Variants in ELAC2 observed in about 807,000 individuals in gnomAD.
The protein encoded by ELAC2 is elaC ribonuclease Z 2, also known as zinc phosphodiesterase ELAC protein 2.
In ELAC2, 92 loss-of-function variants were observed where a neutral mutation model predicts 105.2. The ratio of observed to expected loss-of-function variants is 0.87; its 90% CI spans 0.74 to 1.04. ELAC2 has a LOEUF of 1.04. ELAC2 is among the 50% of genes least tolerant of loss of function. ELAC2 has a pLI of 0.00. For missense variants in ELAC2, 1,099 were observed against 1,071.7 expected (o/e 1.03, Z -0.36); for synonymous variants, 468 against 409.1 (o/e 1.14, Z -1.74).
rs1375100442 is a variant in ELAC2, at chr17:13,003,952, CGAATAA to C, written c.984-384_984-379del. Reference sequence around the variant, plus strand: ...TTCCTCTCTCACAGTCAAATTTCCTCGAATAAACCTCCTGCACCTCCAATGCCACCC... The same window carrying C: ...TTCCTCTCTCACAGTCAAATTTCCTCACCTCCTGCACCTCCAATGCCACCC... On this transcript the variant is annotated intron_variant, in intron 11 of 23. Transcript: ENST00000338034. The C allele has an allele frequency of 6.4e-4, 160 of 250,818 alleles. 4 individuals carry two copies. The South Asian group carries it at 7.5e-3, about 12-fold the overall frequency. The allele number at this position is 250,818 out of a possible 1,614,324, so 15.5% of individuals were successfully genotyped here.
intron 5 of ELAC2, among the ~76,000 whole-genome samples, chr17:13,014,217 C>T (rs758004855): frequency 4.1e-5 from 6 of 145,514 alleles, no homozygotes; most frequent in Non-Finnish European, 5.9e-5. Flanking sequence ...GGCTTGAACC[C>T]AGGAGGTGGA....
chr17:12,994,937 A>C (rs1319544444), intron 20 of ELAC2, 26 bp downstream of exon 20: 1 of 1,614,086 alleles, frequency 6.2e-7, no homozygotes, highest in East Asian at 2.2e-5. Context: ...CCTCGCCCCC[A>C]TGATGCCTGC....
In ELAC2 at chr17:13,005,529, G is replaced by C. The variant is rs570027777; in HGVS notation, c.870+224C>G. Among the ~76,000 whole-genome samples, 4 of 152,306 alleles carry C rather than the reference G, an allele frequency of 2.6e-5. No individual in the cohort carries two copies. The East Asian group carries it at 5.8e-4, about 22-fold the overall frequency. ...GCATGCACCCTTTAAGGAGGACGGT[G>C]ACTAGATCCTAAATGGACAATCTAC... On this transcript the variant is annotated intron_variant, in intron 10 of 23. Transcript: ENST00000338034.
chr17:13,003,718 C>G, intron 11 of ELAC2, 144 bp from the exon 12 acceptor site: 1 of 716,130 alleles, frequency 1.4e-6, no homozygotes, highest in Non-Finnish European at 2.4e-6. Flanking sequence ...CATGCTCTCA[C>G]AGCAGGCTGC....
chr17:13,011,755 G>A lies in ELAC2; in HGVS notation c.587C>T (p.Pro196Leu), dbSNP rs2143661726. 1.2e-6 allele frequency: 2 copies of A among 1,614,142 alleles called. No homozygotes were observed. Among genetic ancestry groups the A allele is most frequent in the Non-Finnish European group, 1.7e-6 (2 of 1,180,040 alleles). ...GAGAGGCCTTTCTGGACTCTGCCAT[G>A]GTTGGTGCTTTCCCCTCCTCTGTTC... is the stretch of plus-strand genomic sequence containing the variant. The part of the protein sequence containing the change: ...HSEQRRGKHQ[P>L]WQSPERPLSR... The change falls in exon 7 of 24, where the codon CCA becomes CTA. Residue 196 changes from proline (P) to leucine (L), a missense_variant. By Grantham distance (98) the Pro-to-Leu change is moderately conservative. Transcript: ENST00000338034.
Position 12,992,660 on chromosome 17 carries a change from T to A in ELAC2, c.*158A>T, listed in dbSNP as rs1281051281. ...AGAGGCATCTATAGACTAGTGCTTA[T>A]GTGGGAGCCCAAGCCTCGGCACAGC... On this transcript the variant is annotated 3_prime_UTR_variant, in exon 24 of 24. Transcript: ENST00000338034. The A allele has an allele frequency of 7.4e-6, 6 of 811,952 alleles. No homozygotes were observed. In the East Asian group the frequency reaches 1.6e-4, roughly 22 times the overall value. The allele number at this position is 811,952 out of a possible 1,614,324, so 50.3% of individuals were successfully genotyped here. A position where few individuals can be genotyped will look rare whatever the true frequency, so the allele number is the denominator to read the frequency against.
chr17:12,991,870 TTACTTAC>T lies in ELAC2; in HGVS notation c.*941_*947del, dbSNP rs1209126079. On this transcript the variant is annotated 3_prime_UTR_variant, in exon 24 of 24. Transcript: ENST00000338034. ...CAACTTACTTACTTACTTACTTACT[TTACTTAC>T]TTACTTCCTTGGAAAATGCTCTCCA... Among the ~76,000 whole-genome samples, 551 of 119,072 alleles carry T rather than the reference TTACTTAC, an allele frequency of 4.6e-3. 3 individuals are homozygous for T. The highest frequency in any genetic ancestry group is 0.015 in the African/African-American group (530 of 34,658). The allele number at this position is 119,072 out of a possible 152,430, so 78.1% of individuals were successfully genotyped here. A position where few individuals can be genotyped will look rare whatever the true frequency, so the allele number is the denominator to read the frequency against.
At position 12,996,258 on chromosome 17, in the gene ELAC2, T is replaced by G. The variant is rs546791908; in HGVS notation, c.1660-280A>C. ...GGGTCTCATAGCCACACCTCCTGCA[T>G]CCGGTCAAAGCTTCCGCTGAGCAGG... is the stretch of plus-strand genomic sequence containing the variant. On this transcript the variant is annotated intron_variant, in intron 17 of 23. Transcript: ENST00000338034. 10 of 629,286 alleles carry G rather than the reference T, an allele frequency of 1.6e-5. No homozygotes were observed. The South Asian group carries it at 1.9e-4, about 12-fold the overall frequency. 39.0% of individuals were successfully genotyped at this position (629,286 alleles called of 1,614,324 possible).
intron 11 of ELAC2, among the ~76,000 whole-genome samples, chr17:13,004,705 A>G (rs895303126): frequency 2.6e-5 from 4 of 152,244 alleles, no homozygotes; most frequent in Non-Finnish European, 4.4e-5. Context: ...TTAGAATTCA[A>G]AAAAGTTCTA....
rs1202944447 is a variant in ELAC2, at chr17:12,992,797, A to C, written c.*21T>G. 1.9e-6 allele frequency: 3 copies of C among 1,611,344 alleles called. No homozygotes were observed. The highest frequency in any genetic ancestry group is 1.7e-6 in the Non-Finnish European group (2 of 1,178,204). On this transcript the variant is annotated 3_prime_UTR_variant, in exon 24 of 24. Transcript: ENST00000338034. ...GGGGCAGAAGACACACAGCCTTCTG[A>C]GTTCAGGGTCTCCCAGATCTTCACT... is the stretch of plus-strand genomic sequence containing the variant.
intron 5 of ELAC2, 141 bp downstream of exon 5, chr17:13,014,298 A>AG: frequency 1.6e-6 from 1 of 641,508 alleles, no homozygotes; most frequent in South Asian, 2.0e-5. Context: ...TCCAAAAAAA[A>AG]AAAAAAAAAA....
chr17:12,998,542 T>G (rs771213297), intron 15 of ELAC2, 34 bp from the exon 16 acceptor site: 11 of 1,594,292 alleles, frequency 6.9e-6, no homozygotes, highest in Non-Finnish European at 8.6e-6. Flanking sequence ...AATCCATTCC[T>G]TTGGGTCAAA....
At chr17:13,016,816 C>T (rs1419724778) in intron 3 of ELAC2, 46 bp downstream of exon 3, 2 of 1,588,474 alleles carry the variant, frequency 1.3e-6, no homozygotes, top group Non-Finnish European at 1.7e-6. Context: ...GGTTAAAATC[C>T]CAGAGACTTC....
At position 13,016,956 on chromosome 17, in the gene ELAC2, C is replaced by G. The variant is rs746914880; in HGVS notation, c.297-24G>C. 1.5e-4 allele frequency: 237 copies of G among 1,613,696 alleles called. No individual in the cohort carries two copies. The East Asian group carries it at 2.0e-3, about 14-fold the overall frequency. ...ACCTAAGAATGAAAAAACATTTAAA[C>G]AGGATAACATGAACAGAACAAGGAC... On this transcript the variant is annotated intron_variant, in intron 2 of 23. Transcript: ENST00000338034.
intron 10 of ELAC2, 93 bp from the exon 11 acceptor site, chr17:13,005,194 T>C (rs1187851201): frequency 2.3e-6 from 2 of 879,766 alleles, no homozygotes; most frequent in Non-Finnish European, 3.9e-6. Context: ...ACATATCCTA[T>C]CCAGTGAGCT....
At chr17:13,013,798 G>A (rs1168776457) in intron 5 of ELAC2, among the ~76,000 whole-genome samples, 1 of 152,054 alleles carries the variant, frequency 6.6e-6, no homozygotes, top group African/African-American at 2.4e-5. Flanking sequence ...GTACAAAGTT[G>A]GCCACAAAAC....
chr17:12,994,598 C>T, intron 21 of ELAC2, 95 bp from the exon 22 acceptor site: 1 of 1,594,382 alleles, frequency 6.3e-7, no homozygotes, highest in Non-Finnish European at 8.6e-7. Context: ...ACACTCAGCT[C>T]CCCTGGCCCT....
Position 12,992,941 on chromosome 17 carries a change from C to T in ELAC2, c.2358G>A (p.Glu786=). ...GGAGGGCCGCCCGCACCTGCCGCAGCTCCCGCTTCTCCCTGCGCTCCTCCA... is the reference window on the plus strand; with the variant it reads ...GGAGGGCCGCCCGCACCTGCCGCAGTTCCCGCTTCTCCCTGCGCTCCTCCA... The part of the protein sequence containing the change: ...EEMEERREKR[E]LRQVRAALLS... The change falls in exon 24 of 24, where the codon GAG becomes GAA. Residue 786 remains glutamate, a synonymous_variant. Coordinates refer to ENST00000338034, the MANE Select transcript of ELAC2 (RefSeq NM_018127.7). The T allele has an allele frequency of 1.2e-6, 2 of 1,611,410 alleles. No homozygotes were observed. The highest frequency in any genetic ancestry group is 1.7e-6 in the Non-Finnish European group (2 of 1,180,016).
At chr17:13,014,391 A>G in intron 5 of ELAC2, 48 bp downstream of exon 5, 1 of 1,399,740 alleles carries the variant, frequency 7.1e-7, no homozygotes, top group South Asian at 1.2e-5. Flanking sequence ...AGGTCAGGGC[A>G]TATATAAGTT....
Sources: allele counts gnomAD v4.1 joint callset (sites outside exome capture counted in the v4.1 genomes callset), GRCh38; gene constraint gnomAD v4.1.1; transcripts MANE v1.5; gene names NCBI Gene and HGNC (gene_info 2026-07-23, HGNC 2026-07-21).